LRRTM4: variants seen among roughly 807,000 people sequenced by gnomAD.
LRRTM4 encodes leucine rich repeat transmembrane neuronal 4.
Under a neutral mutation model 47.6 loss-of-function variants are expected in LRRTM4, and 25 were observed. That is an observed-to-expected ratio of 0.53 (90% CI 0.38 to 0.73). LRRTM4 has a LOEUF of 0.73. Ranked by LOEUF, LRRTM4 falls within the 30% of genes least tolerant of loss-of-function variation. LRRTM4 has a pLI of 0.00. For synonymous variants in LRRTM4, 311 were observed against 269.5 expected (o/e 1.15, Z -1.51); for missense variants, 638 against 713.4 (o/e 0.89, Z 1.20).
intron 3 of LRRTM4, among the ~76,000 whole-genome samples, chr2:76,836,902 G>T (rs1671531394): frequency 6.6e-6 from 1 of 152,042 alleles, no homozygotes; most frequent in Non-Finnish European, 1.5e-5. Context: ...TTTCCCTTAT[G>T]TTACAAGAAT....
chr2:77,128,868 GA>G (rs1418975789), intron 3 of LRRTM4, among the ~76,000 whole-genome samples: 1 of 152,116 alleles, frequency 6.6e-6, no homozygotes, highest in Non-Finnish European at 1.5e-5. Flanking sequence ...TCAAACTCCT[GA>G]CCTCAGGTGA....
intron 3 of LRRTM4, among the ~76,000 whole-genome samples, chr2:77,225,837 C>T (rs572154537): frequency 1.1e-4 from 17 of 151,964 alleles, no homozygotes; most frequent in South Asian, 1.0e-3. Context: ...TAAAGTAGCA[C>T]ATTCAAATAT....
In LRRTM4 at chr2:76,991,340, G is replaced by C. The variant is rs903642199; in HGVS notation, c.1552-242424C>G. Among the ~76,000 whole-genome samples the C allele has an allele frequency of 2.6e-5, 4 of 151,314 alleles. 1 individual carries two copies. The highest frequency in any genetic ancestry group is 2.0e-4 in the Admixed American group (3 of 15,112). On this transcript the variant is annotated intron_variant, in intron 3 of 3. Coordinates refer to ENST00000409884, the MANE Select transcript of LRRTM4 (RefSeq NM_001134745.3). ...TTGAGACTCAAAAATTCATACAAAG[G>C]ATCACAAAACCAAAATTTATTGTTT...
intron 3 of LRRTM4, among the ~76,000 whole-genome samples, chr2:76,977,795 G>T (rs1387406220): frequency 1.3e-5 from 2 of 151,954 alleles, no homozygotes; most frequent in African/African-American, 4.8e-5. Flanking sequence ...AGGGAATGTA[G>T]ATTTTTCGTT....
At chr2:76,796,934 G>A (rs902754643) in intron 3 of LRRTM4, among the ~76,000 whole-genome samples, 5 of 152,062 alleles carry the variant, frequency 3.3e-5, no homozygotes, top group African/African-American at 1.2e-4. Flanking sequence ...AAAAAGAAAT[G>A]AGCAAAGCCT....
At chr2:77,288,268 A>C (rs1676718584) in intron 3 of LRRTM4, among the ~76,000 whole-genome samples, 2 of 151,742 alleles carry the variant, frequency 1.3e-5, no homozygotes, top group Admixed American at 1.3e-4. Flanking sequence ...GATAGGAAAG[A>C]AAGTTAAAAA....
intron 3 of LRRTM4, among the ~76,000 whole-genome samples, chr2:76,951,570 GGTTT>G (rs1282725590): frequency 2.0e-5 from 3 of 151,854 alleles, no homozygotes; most frequent in African/African-American, 7.2e-5. Context: ...AAAATTTCAA[GGTTT>G]GTTTGACTAT....
intron 3 of LRRTM4, among the ~76,000 whole-genome samples, chr2:77,169,578 T>A (rs1672988520): frequency 6.6e-6 from 1 of 152,080 alleles, no homozygotes; most frequent in Non-Finnish European, 1.5e-5. Context: ...TGAGACTGGG[T>A]TAATTATTGT....
chr2:77,141,424 G>C (rs575049895), intron 3 of LRRTM4, among the ~76,000 whole-genome samples: 1 of 139,778 alleles, frequency 7.2e-6, no homozygotes, highest in African/African-American at 2.6e-5. Flanking sequence ...TGAACAATGA[G>C]AACACTTGGA....
intron 3 of LRRTM4, among the ~76,000 whole-genome samples, chr2:77,385,254 T>C (rs181849663): frequency 1.1e-3 from 167 of 152,292 alleles, no homozygotes; most frequent in African/African-American, 3.8e-3. Context: ...CTTGATTTTA[T>C]AAATTCCATT....
intron 3 of LRRTM4, among the ~76,000 whole-genome samples, chr2:77,088,396 G>C (rs908859380): frequency 3.3e-5 from 5 of 152,090 alleles, no homozygotes; most frequent in African/African-American, 1.2e-4. Flanking sequence ...CTTGCCTTAA[G>C]TGATGACATT....
chr2:77,165,777 T>C (rs553708759), intron 3 of LRRTM4, among the ~76,000 whole-genome samples: 1 of 152,314 alleles, frequency 6.6e-6, no homozygotes, highest in East Asian at 1.9e-4. Flanking sequence ...TGCTAAAACC[T>C]CTCAATAAAT....
At chr2:77,302,669 C>T (rs1328694949) in intron 3 of LRRTM4, among the ~76,000 whole-genome samples, 1 of 152,130 alleles carries the variant, frequency 6.6e-6, no homozygotes, top group Non-Finnish European at 1.5e-5. Context: ...GGTATTTGTG[C>T]TGGTTATAGT....
chr2:76,771,701 C>A (rs1274065775), intron 3 of LRRTM4, among the ~76,000 whole-genome samples: 1 of 151,396 alleles, frequency 6.6e-6, no homozygotes, highest in Non-Finnish European at 1.5e-5. Flanking sequence ...GCCTGGAAGG[C>A]ACATCAAAGG....
chr2:77,173,130 A>G (rs1415372375), intron 3 of LRRTM4, among the ~76,000 whole-genome samples: 2 of 152,218 alleles, frequency 1.3e-5, no homozygotes, highest in Admixed American at 6.5e-5. Flanking sequence ...TGAAAAGTTT[A>G]TCATAAAAAT....
intron 3 of LRRTM4, among the ~76,000 whole-genome samples, chr2:76,865,469 A>G (rs978815556): frequency 3.3e-5 from 5 of 152,216 alleles, no homozygotes; most frequent in African/African-American, 1.2e-4. Context: ...GAAACAATTT[A>G]CATTTCTTAT....
chr2:77,432,282 T>C (rs1181706167), intron 3 of LRRTM4, among the ~76,000 whole-genome samples: 1 of 152,170 alleles, frequency 6.6e-6, no homozygotes, highest in East Asian at 1.9e-4. Context: ...GCAGCTCTCA[T>C]GGTTAAGGAT....
At chr2:76,916,823 C>G (rs1674269205) in intron 3 of LRRTM4, among the ~76,000 whole-genome samples, 2 of 152,222 alleles carry the variant, frequency 1.3e-5, no homozygotes, top group Admixed American at 6.5e-5. Context: ...CCCCAGCTTG[C>G]TTCTTAGCAG....
intron 3 of LRRTM4, among the ~76,000 whole-genome samples, chr2:77,464,888 T>G (rs892199251): frequency 1.3e-5 from 2 of 152,298 alleles, no homozygotes; most frequent in Admixed American, 6.5e-5. Flanking sequence ...GTGTGTTATG[T>G]AAACTAATGA....
Sources: allele counts gnomAD v4.1 joint callset (sites outside exome capture counted in the v4.1 genomes callset), GRCh38; gene constraint gnomAD v4.1.1; transcripts MANE v1.5; gene names NCBI Gene and HGNC (gene_info 2026-07-23, HGNC 2026-07-21).